The following CCDC85C variants were observed in gnomAD, a reference collection of about 807,000 sequenced individuals.
CCDC85C encodes the protein coiled-coil domain-containing protein 85C.
A neutral mutation model predicts 38.3 loss-of-function variants in CCDC85C; 18 were observed. The observed-to-expected ratio is 0.47, with a 90% CI of 0.33 to 0.70. The LOEUF is 0.70. CCDC85C is among the 30% of genes least tolerant of loss of function. The probability of loss-of-function intolerance (pLI) is 0.03; values close to 1 mark genes in which losing one functional copy is unlikely to be tolerated. For missense variants in CCDC85C, 566 were observed against 621.2 expected (o/e 0.91, Z 0.94); for synonymous variants, 264 against 293.8 (o/e 0.90, Z 1.04).
In CCDC85C at chr14:99,504,650, A is replaced by C. The variant is rs1896928956; in HGVS notation, c.*10596T>G. 1 of 152,112 alleles carries C rather than the reference A, an allele frequency of 6.6e-6. No homozygotes were observed. Among genetic ancestry groups the C allele is most frequent in the Non-Finnish European group, 1.5e-5 (1 of 68,076 alleles). 9.4% of individuals were successfully genotyped at this position (152,112 alleles called of 1,614,324 possible). A position where few individuals can be genotyped will look rare whatever the true frequency, so the allele number is the denominator to read the frequency against. ...TTTTTAGTAGAGACAGGGTTTCTCC[A>C]TGTTGGTCAGGCAGGTGTCAAACTC... On this transcript the variant is annotated 3_prime_UTR_variant, in exon 6 of 6. Coordinates refer to ENST00000380243, the MANE Select transcript of CCDC85C (RefSeq NM_001144995.2).
Position 99,535,009 on chromosome 14 carries a change from G to A in CCDC85C, c.867+1006C>T. On this transcript the variant is annotated intron_variant, in intron 2 of 5. Transcript: ENST00000380243. This position sits in a 1 kb window ranked among gnomAD's most constrained non-coding sequence, Gnocchi z 5.5. ...CCAGGCCCTGGGAACCTTCCCCACA[G>A]CCCACAAAGGGGTGAGACGTGAGGA... 2.5e-6 allele frequency: 1 copy of A among 396,320 alleles called. No individual in the cohort carries two copies. The highest frequency in any genetic ancestry group is 4.6e-6 in the Non-Finnish European group (1 of 215,834). The allele number at this position is 396,320 out of a possible 1,614,324, so 24.6% of individuals were successfully genotyped here.
In CCDC85C at chr14:99,533,620, C is replaced by A. The variant is rs1227237661; in HGVS notation, c.867+2395G>T. Among the ~76,000 whole-genome samples, 1 of 152,230 alleles carries A rather than the reference C, an allele frequency of 6.6e-6. No individual in the cohort carries two copies. On this transcript the variant is annotated intron_variant, in intron 2 of 5. Coordinates refer to ENST00000380243, the MANE Select transcript of CCDC85C (RefSeq NM_001144995.2). The surrounding 1 kb of genome is among the most constrained non-coding windows in gnomAD (Gnocchi z 4.2). ...CTCCCCAGCCATCAGGATCTGATGT[C>A]GGTGCCCTGCAGACCTGGCCCACGG... is the stretch of plus-strand genomic sequence containing the variant.
intron 2 of CCDC85C, among the ~76,000 whole-genome samples, chr14:99,529,245 A>G (rs1595344103): frequency 6.6e-6 from 1 of 152,144 alleles, no homozygotes; most frequent in Admixed American, 6.5e-5. Context: ...CAGGCAGACC[A>G]GTCTTGTCCA....
intron 1 of CCDC85C, among the ~76,000 whole-genome samples, chr14:99,557,088 T>C (rs929550604): frequency 3.9e-5 from 6 of 152,206 alleles, no homozygotes; most frequent in Non-Finnish European, 8.8e-5. Context: ...GTGGGAGGTG[T>C]TATGCTGAGC....
chr14:99,582,909 T>G (rs1354257089), intron 1 of CCDC85C: 3 of 152,212 alleles, frequency 2.0e-5, no homozygotes, highest in Non-Finnish European at 4.4e-5. Flanking sequence ...TTCATTGTAA[T>G]GAATGCACAA....
In CCDC85C at chr14:99,511,478, T is replaced by TTCAG. The variant is rs1297572456; in HGVS notation, c.*3764_*3767dup. ...CCATCTTGGTTACAAATGAGACTCC[T>TTCAG]TCAGTCAGTTATCCAAATAAAAGCA... On this transcript the variant is annotated 3_prime_UTR_variant, in exon 6 of 6. Transcript: ENST00000380243. 6.6e-6 allele frequency: 1 copy of TTCAG among 152,604 alleles called. No individual in the cohort carries two copies. 9.5% of individuals were successfully genotyped at this position (152,604 alleles called of 1,614,324 possible).
Position 99,506,754 on chromosome 14 carries a change from C to T in CCDC85C, c.*8492G>A, listed in dbSNP as rs546104480. 166 of 365,380 alleles carry T rather than the reference C, an allele frequency of 4.5e-4. 1 individual carries two copies. Among genetic ancestry groups the T allele is most frequent in the Admixed American group, 2.0e-3 (51 of 25,940 alleles). 22.6% of individuals were successfully genotyped at this position (365,380 alleles called of 1,614,324 possible). A position where few individuals can be genotyped will look rare whatever the true frequency, so the allele number is the denominator to read the frequency against. ...CAGGGAGGACTCCAGATAGGTCATACATGCTCATGAAGACGTTGCTCTGCT... is the reference window on the plus strand; with the variant it reads ...CAGGGAGGACTCCAGATAGGTCATATATGCTCATGAAGACGTTGCTCTGCT... On this transcript the variant is annotated 3_prime_UTR_variant, in exon 6 of 6. Coordinates refer to ENST00000380243, the MANE Select transcript of CCDC85C (RefSeq NM_001144995.2).
rs1042970216 is a variant in CCDC85C, at chr14:99,576,866, G to A, written c.793+26301C>T. ...CAACATGCCCAAGACAGCACAGCGG[G>A]GCAGCACTCTCTCCGGGTCACCCCG... is the stretch of plus-strand genomic sequence containing the variant. On this transcript the variant is annotated intron_variant, in intron 1 of 5. Transcript: ENST00000380243. This position sits in a 1 kb window ranked among gnomAD's most constrained non-coding sequence, Gnocchi z 4.8. 6.6e-6 allele frequency among the ~76,000 whole-genome samples: 1 copy of A among 152,052 alleles called. No individual in the cohort carries two copies. The highest frequency in any genetic ancestry group is 2.4e-5 in the African/African-American group (1 of 41,396).
At chr14:99,537,792 C>T (rs1026872556) in intron 1 of CCDC85C, among the ~76,000 whole-genome samples, 1 of 152,144 alleles carries the variant, frequency 6.6e-6, no homozygotes, top group African/African-American at 2.4e-5. Flanking sequence ...CTATCAACCC[C>T]GACAAACAGT....
Position 99,572,315 on chromosome 14 carries a change from A to T in CCDC85C, c.793+30852T>A, listed in dbSNP as rs895747192. Among the ~76,000 whole-genome samples the T allele has an allele frequency of 6.6e-6, 1 of 151,948 alleles. No homozygotes were observed. On this transcript the variant is annotated intron_variant, in intron 1 of 5. Transcript: ENST00000380243. This position sits in a 1 kb window ranked among gnomAD's most constrained non-coding sequence, Gnocchi z 4.4. The stretch of plus-strand genomic sequence containing the variant: ...CCATCACTGCCGTCTCCTCCCCGCT[A>T]CTTTCCCCAAGGAAACTGAAAGCTG...
intron 1 of CCDC85C, among the ~76,000 whole-genome samples, chr14:99,550,794 G>C (rs1897892390): frequency 6.6e-6 from 1 of 152,192 alleles, no homozygotes; most frequent in African/African-American, 2.4e-5. Context: ...GCTGAGGCCT[G>C]CACGCTGCCC....
At chr14:99,567,195 A>AGAAGCGCCT (rs773823640) in intron 1 of CCDC85C, among the ~76,000 whole-genome samples, 3,635 of 83,596 alleles carry the variant, frequency 0.043, 154 homozygotes, top group African/African-American at 0.17. Flanking sequence ...GCACAGTCAC[A>AGAAGCGCCT]GGAAGAGCAG....
At chr14:99,573,537 G>A (rs1013093534) in intron 1 of CCDC85C, among the ~76,000 whole-genome samples, 3 of 152,218 alleles carry the variant, frequency 2.0e-5, no homozygotes, top group Non-Finnish European at 4.4e-5. Flanking sequence ...GGAGGTGCTG[G>A]CTATCCAGAG....
chr14:99,538,002 T>C (rs113085407), intron 1 of CCDC85C, among the ~76,000 whole-genome samples: 1,722 of 152,228 alleles, frequency 0.011, 35 homozygotes, highest in African/African-American at 0.039. Flanking sequence ...CCCTTCCGGC[T>C]CCCTCACTCT....
Position 99,500,883 on chromosome 14 carries a change from G to A in CCDC85C, c.*14363C>T, listed in dbSNP as rs1272350445. On this transcript the variant is annotated 3_prime_UTR_variant, in exon 6 of 6. Coordinates refer to ENST00000380243, the MANE Select transcript of CCDC85C (RefSeq NM_001144995.2). ...AAAGCAACTCAAAGGTAAGAAGAAA[G>A]TTTTCAGAAGAATTTTTTCATTCTG... 2 of 1,421,298 alleles carry A rather than the reference G, an allele frequency of 1.4e-6. No homozygotes were observed. Among genetic ancestry groups the A allele is most frequent in the South Asian group, 2.6e-5 (2 of 76,956 alleles). 88.0% of individuals were successfully genotyped at this position (1,421,298 alleles called of 1,614,324 possible). A position where few individuals can be genotyped will look rare whatever the true frequency, so the allele number is the denominator to read the frequency against.
At chr14:99,515,377 G>A (rs1239741489) in intron 5 of CCDC85C, 42 bp from the exon 6 acceptor site, 12 of 1,434,306 alleles carry the variant, frequency 8.4e-6, no homozygotes, top group South Asian at 1.2e-5. Flanking sequence ...ACTCACCCGC[G>A]TCCACCTGCC....
chr14:99,584,215 G>A (rs928468127), intron 1 of CCDC85C, among the ~76,000 whole-genome samples: 3 of 152,050 alleles, frequency 2.0e-5, no homozygotes, highest in Non-Finnish European at 4.4e-5. Context: ...TTTTTGTGAG[G>A]GTAGGATTAG....
At chr14:99,540,821 A>G (rs963661535) in intron 1 of CCDC85C, among the ~76,000 whole-genome samples, 7 of 152,146 alleles carry the variant, frequency 4.6e-5, no homozygotes, top group Non-Finnish European at 1.0e-4. Flanking sequence ...GGTGGGGGAA[A>G]GCTGTGCAGC....
chr14:99,513,945 A>G lies in CCDC85C; in HGVS notation c.*1301T>C, dbSNP rs1450001048. ...TTACAGTTTATACATGGTCATTTACACTGAAGATCTCACTTGATGCCAGAA... is the reference window on the plus strand; with the variant it reads ...TTACAGTTTATACATGGTCATTTACGCTGAAGATCTCACTTGATGCCAGAA... On this transcript the variant is annotated 3_prime_UTR_variant, in exon 6 of 6. Transcript: ENST00000380243. 6.6e-6 allele frequency: 1 copy of G among 152,268 alleles called. No individual in the cohort carries two copies. The highest frequency in any genetic ancestry group is 1.5e-5 in the Non-Finnish European group (1 of 68,078). 9.4% of individuals were successfully genotyped at this position (152,268 alleles called of 1,614,324 possible).
Sources: gnomAD v4.1 joint callset for allele counts (sites outside exome capture counted in the v4.1 genomes callset) on GRCh38, gnomAD v4.1.1 for gene constraint, Gnocchi (gnomAD v3.1) non-coding constraint, MANE v1.5 for transcripts, NCBI Gene and HGNC (gene_info 2026-07-23, HGNC 2026-07-21) for gene names.